CHST8: variants seen among roughly 807,000 people sequenced by gnomAD.
CHST8 encodes the protein carbohydrate sulfotransferase 8.
A neutral mutation model predicts 15.0 loss-of-function variants in CHST8; 10 were observed. The ratio of observed to expected loss-of-function variants is 0.67; its 90% CI spans 0.41 to 1.13. The LOEUF (loss-of-function observed/expected upper bound fraction) is 1.13, where lower values mean the gene tolerates loss of function less well. Among genes scored for constraint, CHST8 ranks in the 50% most tolerant of loss-of-function variants. The probability of loss-of-function intolerance (pLI) is 0.00; values close to 1 mark genes in which losing one functional copy is unlikely to be tolerated. For synonymous variants in CHST8, 259 were observed against 256.6 expected, an observed-to-expected ratio of 1.01 and a Z score of -0.09; for missense variants, 634 against 608.2, an observed-to-expected ratio of 1.04 and a Z score of -0.45.
At chr19:33,658,212 C>T (rs1972538817) in intron 1 of CHST8, among the ~76,000 whole-genome samples, 1 of 152,138 alleles carries the variant, frequency 6.6e-6, no homozygotes, top group Non-Finnish European at 1.5e-5. Flanking sequence ...TGGTGCTGTG[C>T]ACCTGTGATC....
At chr19:33,750,601 A>T (rs537072320) in intron 3 of CHST8, among the ~76,000 whole-genome samples, 1 of 151,938 alleles carries the variant, frequency 6.6e-6, no homozygotes, top group South Asian at 2.1e-4. Flanking sequence ...TCAGTTTCCC[A>T]TCAGGGTCCA....
intron 3 of CHST8, among the ~76,000 whole-genome samples, chr19:33,715,198 G>A (rs892901486): frequency 1.3e-5 from 2 of 152,186 alleles, no homozygotes; most frequent in African/African-American, 4.8e-5. Flanking sequence ...ACTCGCCCAG[G>A]GCTGCTGTTT....
At chr19:33,669,945 G>A (rs1972714666) in intron 2 of CHST8, among the ~76,000 whole-genome samples, 1 of 152,230 alleles carries the variant, frequency 6.6e-6, no homozygotes, top group African/African-American at 2.4e-5. Flanking sequence ...TTTCTTCTAA[G>A]TGAGCCGAAT....
At chr19:33,660,263 G>A (rs972298481) in intron 1 of CHST8, among the ~76,000 whole-genome samples, 9 of 152,184 alleles carry the variant, frequency 5.9e-5, no homozygotes, top group Non-Finnish European at 1.2e-4. Flanking sequence ...TTAAGGCATG[G>A]AAGTTCTTTT....
rs1163406550 is a variant in CHST8 at position 33,772,693 on chromosome 19, C to G, written c.905C>G (p.Thr302Ser). Residue 302 changes from threonine to serine, a missense_variant, in exon 5 of 5, where the codon ACC becomes AGC. Coordinates refer to ENST00000650847, the MANE Select transcript of CHST8 (RefSeq NM_001127895.2). ...RANASREALR[T>S]GSGVRFPEFV... ...AATGCCTCTCGGGAGGCCCTGCGGA[C>G]CGGCTCTGGGGTGCGTTTTCCCGAG... The G allele has an allele frequency of 1.9e-6, 3 of 1,613,508 alleles. No homozygotes were observed. The Admixed American group carries it at 5.0e-5, about 27-fold the overall frequency.
In CHST8 at chr19:33,739,801, T is replaced by C. The variant is rs1222257389; in HGVS notation, c.131-31612T>C. On this transcript the variant is annotated intron_variant, in intron 3 of 4. Coordinates refer to ENST00000650847, the MANE Select transcript of CHST8 (RefSeq NM_001127895.2). ...AGAATGAGAGCTCTCTTCTCTGACATCCAGGCTCTGGGCATCTCTCAAAAA... is the reference window on the plus strand; with the variant it reads ...AGAATGAGAGCTCTCTTCTCTGACACCCAGGCTCTGGGCATCTCTCAAAAA... Among the ~76,000 whole-genome samples, 3 of 152,282 alleles carry C rather than the reference T, an allele frequency of 2.0e-5. No homozygotes were observed. The East Asian group carries it at 5.8e-4, about 29-fold the overall frequency.
intron 1 of CHST8, among the ~76,000 whole-genome samples, chr19:33,653,879 G>C (rs1158308155): frequency 6.6e-6 from 1 of 152,164 alleles, no homozygotes; most frequent in Non-Finnish European, 1.5e-5. Context: ...TAGAGACTCT[G>C]TACTGACACT....
chr19:33,752,332 C>G (rs1028383094), intron 3 of CHST8, among the ~76,000 whole-genome samples: 1 of 152,220 alleles, frequency 6.6e-6, no homozygotes, highest in Non-Finnish European at 1.5e-5. Context: ...CAAGATGACA[C>G]GTCTAAGAGG....
intron 1 of CHST8, among the ~76,000 whole-genome samples, chr19:33,662,645 C>T (rs1014912350): frequency 1.3e-5 from 2 of 151,778 alleles, no homozygotes; most frequent in African/African-American, 2.4e-5. Context: ...CTGGAACAAA[C>T]GGATGAGGTA....
intron 3 of CHST8, among the ~76,000 whole-genome samples, chr19:33,767,721 C>T (rs1974879873): frequency 6.6e-6 from 1 of 152,178 alleles, no homozygotes; most frequent in South Asian, 2.1e-4. Context: ...AGAGAGGTAA[C>T]TCAAGACACC....
chr19:33,685,749 G>A (rs1258657974), intron 2 of CHST8, among the ~76,000 whole-genome samples: 2 of 152,324 alleles, frequency 1.3e-5, no homozygotes, highest in African/African-American at 4.8e-5. Context: ...TGGACTCCCA[G>A]GAGAGGGAGA....
At chr19:33,740,316 G>T (rs117886514) in intron 3 of CHST8, among the ~76,000 whole-genome samples, 2,753 of 152,288 alleles carry the variant, frequency 0.018, 37 homozygotes, top group Non-Finnish European at 0.031. Context: ...AAGGCTGTGG[G>T]CATCGGTTTG....
At chr19:33,757,455 A>AAAGAAAGG in intron 3 of CHST8, among the ~76,000 whole-genome samples, 1 of 38,004 alleles carries the variant, frequency 2.6e-5, no homozygotes, top group East Asian at 5.0e-4. Flanking sequence ...AGAAAGAAAG[A>AAAGAAAGG]AAGAAAGAAA....
intron 1 of CHST8, among the ~76,000 whole-genome samples, chr19:33,633,840 C>T (rs1188014143): frequency 6.8e-6 from 1 of 147,608 alleles, no homozygotes; most frequent in Non-Finnish European, 1.5e-5. Flanking sequence ...ACTCTGTTGC[C>T]CAGGTTGTAG....
chr19:33,664,383 C>T (rs1234550257), intron 1 of CHST8, among the ~76,000 whole-genome samples: 1 of 150,624 alleles, frequency 6.6e-6, no homozygotes, highest in African/African-American at 2.4e-5. Context: ...GCGCTGCACC[C>T]ACTAACTCGT....
At chr19:33,702,586 G>C (rs1202794547) in intron 3 of CHST8, among the ~76,000 whole-genome samples, 3 of 152,236 alleles carry the variant, frequency 2.0e-5, no homozygotes, top group Admixed American at 6.5e-5. Flanking sequence ...GGGGGCCTGG[G>C]CAGGGTCCAG....
At chr19:33,716,588 G>A (rs751134702) in intron 3 of CHST8, among the ~76,000 whole-genome samples, 7 of 152,062 alleles carry the variant, frequency 4.6e-5, no homozygotes, top group Non-Finnish European at 7.4e-5. Flanking sequence ...GGCTGATCTC[G>A]AACTCCTGGG....
chr19:33,658,880 G>A (rs181055283), intron 1 of CHST8, among the ~76,000 whole-genome samples: 6 of 151,948 alleles, frequency 3.9e-5, no homozygotes, highest in African/African-American at 4.8e-5. Context: ...TAACAATTGC[G>A]TCAGATTCCA....
At chr19:33,684,102 G>A (rs1299119072) in intron 2 of CHST8, among the ~76,000 whole-genome samples, 1 of 152,182 alleles carries the variant, frequency 6.6e-6, no homozygotes, top group Non-Finnish European at 1.5e-5. Context: ...GTTTGCAGGC[G>A]CCCCTCAGAC....
Sources: gnomAD v4.1 joint callset for allele counts (sites outside exome capture counted in the v4.1 genomes callset) on GRCh38, gnomAD v4.1.1 for gene constraint, MANE v1.5 for transcripts, NCBI Gene and HGNC (gene_info 2026-07-23, HGNC 2026-07-21) for gene names.